Variants in CXCL10 observed in about 807,000 individuals in gnomAD.
CXCL10 encodes the protein C-X-C motif chemokine ligand 10.
Under a neutral mutation model 10.8 loss-of-function variants are expected in CXCL10, and 6 were observed. The observed-to-expected ratio is 0.55, with a 90% CI of 0.30 to 1.09. The LOEUF (loss-of-function observed/expected upper bound fraction) is 1.09, where lower values mean the gene tolerates loss of function less well. Among genes scored for constraint, CXCL10 ranks in the 50% least tolerant of loss-of-function variants. CXCL10 has a pLI of 0.06. For synonymous variants in CXCL10, 35 were observed against 35.8 expected (o/e 0.98, Z 0.08); for missense variants, 114 against 114.3 (o/e 1.00, Z 0.01).
Position 76,022,458 on chromosome 4 carries a change from G to A in CXCL10, c.189-3C>T, listed in dbSNP as rs1010023789. 8 of 1,611,000 alleles carry A rather than the reference G, an allele frequency of 5.0e-6. No homozygotes were observed. The highest frequency in any genetic ancestry group is 2.2e-5 in the East Asian group (1 of 44,884). On this transcript the variant is annotated splice_region_variant and splice_polypyrimidine_tract_variant and intron_variant, in intron 2 of 3. Transcript: ENST00000306602. The stretch of plus-strand genomic sequence containing the variant: ...CACCCTTCTTTTTCATTGTAGCACT[G>A]TAGAAATAAATAGGGATGAAAATAT...
chr4:76,022,447 A>G lies in CXCL10; in HGVS notation c.197T>C (p.Met66Thr), dbSNP rs1340181005. ...FCPRVEIIAT[M>T]KKKGEKRCLN... ...ACATCTCTTCTCACCCTTCTTTTTC[A>G]TTGTAGCACTGTAGAAATAAATAGG... The change falls in exon 3 of 4, where the codon ATG becomes ACG. Residue 66 changes from methionine to threonine, a missense_variant. By Grantham distance (81) the Met-to-Thr change is moderately conservative (BLOSUM62 -1). Coordinates refer to ENST00000306602, the MANE Select transcript of CXCL10 (RefSeq NM_001565.4). 1 of 1,612,654 alleles carries G rather than the reference A, an allele frequency of 6.2e-7. No individual in the cohort carries two copies. The highest frequency in any genetic ancestry group is 8.5e-7 in the Non-Finnish European group (1 of 1,179,682).
chr4:76,022,330 A>G, intron 3 of CXCL10, 36 bp downstream of exon 3: 2 of 1,547,224 alleles, frequency 1.3e-6, no homozygotes, highest in African/African-American at 1.4e-5. Flanking sequence ...GCCGTTTCCT[A>G]AAGAGCAATT....
At chr4:76,022,019 A>T in intron 3 of CXCL10, 71 bp from the exon 4 acceptor site, 1 of 1,353,404 alleles carries the variant, frequency 7.4e-7, no homozygotes, top group Admixed American at 1.7e-5. Context: ...TGTGTTTGGA[A>T]AGTACCGAGT....
In CXCL10 at chr4:76,022,834, A is replaced by T; in HGVS notation, c.62-17T>A. ...GAGGTACTCCTGTAGGAAAAGAGGA[A>T]CAGCAGAGAAGGTTAGCACAGTGTT... is the stretch of plus-strand genomic sequence containing the variant. On this transcript the variant is annotated splice_polypyrimidine_tract_variant and intron_variant, in intron 1 of 3. Coordinates refer to ENST00000306602, the MANE Select transcript of CXCL10 (RefSeq NM_001565.4). 6.2e-7 allele frequency: 1 copy of T among 1,603,686 alleles called. No homozygotes were observed. The highest frequency in any genetic ancestry group is 8.5e-7 in the Non-Finnish European group (1 of 1,178,796).
chr4:76,021,124 A>G lies in CXCL10; in HGVS notation c.*806T>C, dbSNP rs1210163965. 6.6e-6 allele frequency: 1 copy of G among 152,292 alleles called. No individual in the cohort carries two copies. The highest frequency in any genetic ancestry group is 1.5e-5 in the Non-Finnish European group (1 of 68,046). The allele number at this position is 152,292 out of a possible 1,614,324, so 9.4% of individuals were successfully genotyped here. On this transcript the variant is annotated 3_prime_UTR_variant, in exon 4 of 4. Transcript: ENST00000306602. ...ACACACAAGGCACTTCATCTTAGTTATAATTACTTTATTAACCTTTTGATC... is the reference window on the plus strand; with the variant it reads ...ACACACAAGGCACTTCATCTTAGTTGTAATTACTTTATTAACCTTTTGATC...
In CXCL10 at chr4:76,022,700, A is replaced by G. The variant is rs1405906680; in HGVS notation, c.179T>C (p.Val60Ala). Reference protein sequence around the residue: ...IIPASQFCPRVEIIATMKKKG... With the variant: ...IIPASQFCPRAEIIATMKKKG... The stretch of plus-strand genomic sequence containing the variant: ...ATGGGATTTCACTCACATGATCTCA[A>G]CACGTGGACAAAATTGGCTTGCAGG... The change falls in exon 2 of 4, where the codon GTT becomes GCT. Residue 60 changes from valine (V) to alanine (A), a missense_variant. Physicochemically the swap from Val to Ala is moderately conservative, Grantham distance 64. Coordinates refer to ENST00000306602, the MANE Select transcript of CXCL10 (RefSeq NM_001565.4). The G allele has an allele frequency of 6.2e-7, 1 of 1,613,664 alleles. No individual in the cohort carries two copies. Among genetic ancestry groups the G allele is most frequent in the East Asian group, 2.2e-5 (1 of 44,878 alleles).
intron 1 of CXCL10, 60 bp downstream of exon 1, chr4:76,023,311 G>A: frequency 1.5e-6 from 2 of 1,306,868 alleles, no homozygotes; most frequent in Non-Finnish European, 1.1e-6. Context: ...TGTATTTTTA[G>A]AATTTATACC....
At chr4:76,022,910 C>T (rs1221442036) in intron 1 of CXCL10, 93 bp from the exon 2 acceptor site, 1 of 1,295,508 alleles carries the variant, frequency 7.7e-7, no homozygotes, top group African/African-American at 1.5e-5. Context: ...ACCTATATCC[C>T]CATATCAGCA....
In CXCL10 at chr4:76,021,796, T is replaced by C. The variant is rs1412043305; in HGVS notation, c.*134A>G. 2 of 854,082 alleles carry C rather than the reference T, an allele frequency of 2.3e-6. No individual in the cohort carries two copies. The highest frequency in any genetic ancestry group is 2.4e-5 in the East Asian group (1 of 41,136). The allele number at this position is 854,082 out of a possible 1,614,324, so 52.9% of individuals were successfully genotyped here. On this transcript the variant is annotated 3_prime_UTR_variant, in exon 4 of 4. Coordinates refer to ENST00000306602, the MANE Select transcript of CXCL10 (RefSeq NM_001565.4). ...CAGCTGATTTGGTGACCATCATTGG[T>C]CACCTTTTAGTGTAACTGCAAACTA...
chr4:76,021,922 C>T lies in CXCL10; in HGVS notation c.*8G>A, dbSNP rs773048144. The stretch of plus-strand genomic sequence containing the variant: ...GAAGCACTGCATCGATTTTGCTCCC[C>T]TCTGGTTTTAAGGAGATCTTTTAGA... On this transcript the variant is annotated 3_prime_UTR_variant, in exon 4 of 4. Coordinates refer to ENST00000306602, the MANE Select transcript of CXCL10 (RefSeq NM_001565.4). 1.5e-4 allele frequency: 238 copies of T among 1,611,426 alleles called. No individual in the cohort carries two copies. Among genetic ancestry groups the T allele is most frequent in the Non-Finnish European group, 1.9e-4 (229 of 1,177,692 alleles).
At position 76,021,905 on chromosome 4, in the gene CXCL10, G is replaced by C. The variant is rs377425371; in HGVS notation, c.*25C>G. 1 of 1,606,324 alleles carries C rather than the reference G, an allele frequency of 6.2e-7. No homozygotes were observed. The highest frequency in any genetic ancestry group is 8.5e-7 in the Non-Finnish European group (1 of 1,173,054). On this transcript the variant is annotated 3_prime_UTR_variant, in exon 4 of 4. Transcript: ENST00000306602. ...TGTGTGGTCCATCCTTGGAAGCACTGCATCGATTTTGCTCCCCTCTGGTTT... is the reference window on the plus strand; with the variant it reads ...TGTGTGGTCCATCCTTGGAAGCACTCCATCGATTTTGCTCCCCTCTGGTTT...
At position 76,022,405 on chromosome 4, in the gene CXCL10, T is replaced by G; in HGVS notation, c.239A>C (p.Lys80Thr). Residue 80 changes from lysine to threonine, a missense_variant, in exon 3 of 4, where the codon AAG becomes ACG. Transcript: ENST00000306602. The part of the protein sequence containing the change: ...GEKRCLNPES[K>T]AIKNLLKAVS... ...TGCTTTCAGTAAATTCTTGATGGCC[T>G]TCGATTCTGGATTCAGACATCTCTT... 2 of 1,613,618 alleles carry G rather than the reference T, an allele frequency of 1.2e-6. No homozygotes were observed. Among genetic ancestry groups the G allele is most frequent in the Non-Finnish European group, 1.7e-6 (2 of 1,179,920 alleles).
At position 76,021,851 on chromosome 4, in the gene CXCL10, T is replaced by G; in HGVS notation, c.*79A>C. ...CAATTATGGCTTGACATATACTCCATGTAGGGAAGTGATGGGAGAGGCAGC... is the reference window on the plus strand; with the variant it reads ...CAATTATGGCTTGACATATACTCCAGGTAGGGAAGTGATGGGAGAGGCAGC... On this transcript the variant is annotated 3_prime_UTR_variant, in exon 4 of 4. Transcript: ENST00000306602. 2 of 1,297,252 alleles carry G rather than the reference T, an allele frequency of 1.5e-6. No individual in the cohort carries two copies. Among genetic ancestry groups the G allele is most frequent in the Non-Finnish European group, 2.2e-6 (2 of 892,372 alleles). The allele number at this position is 1,297,252 out of a possible 1,614,324, so 80.4% of individuals were successfully genotyped here. A position where few individuals can be genotyped will look rare whatever the true frequency, so the allele number is the denominator to read the frequency against.
At chr4:76,023,269 A>T in intron 1 of CXCL10, 102 bp downstream of exon 1, 2 of 860,702 alleles carry the variant, frequency 2.3e-6, no homozygotes, top group Non-Finnish European at 3.8e-6. Context: ...ATTTATAAGC[A>T]TGCAGTGAAA....
Position 76,021,701 on chromosome 4 carries a change from T to C in CXCL10, c.*229A>G. On this transcript the variant is annotated 3_prime_UTR_variant, in exon 4 of 4. Coordinates refer to ENST00000306602, the MANE Select transcript of CXCL10 (RefSeq NM_001565.4). Reference sequence around the variant, plus strand: ...TAGCACCTCAGTAGAGCTTACATTATAGTGCCAGGGTAGAGTTATTACTGA... The same window carrying C: ...TAGCACCTCAGTAGAGCTTACATTACAGTGCCAGGGTAGAGTTATTACTGA... 1.8e-6 allele frequency: 1 copy of C among 550,494 alleles called. No individual in the cohort carries two copies. The highest frequency in any genetic ancestry group is 2.9e-5 in the East Asian group (1 of 34,234). 34.1% of individuals were successfully genotyped at this position (550,494 alleles called of 1,614,324 possible). A position where few individuals can be genotyped will look rare whatever the true frequency, so the allele number is the denominator to read the frequency against.
rs906963139 is a variant in CXCL10, at chr4:76,022,886, T to C, written c.62-69A>G. The C allele has an allele frequency of 2.6e-6, 4 of 1,528,082 alleles. No homozygotes were observed. The Admixed American group carries it at 7.5e-5, about 28-fold the overall frequency. 94.7% of individuals were successfully genotyped at this position (1,528,082 alleles called of 1,614,324 possible). ...ATTTTAGGCATTTAATGTAGACTGGTGGTATTTAGCAGAACCTATATCCCC... is the reference window on the plus strand; with the variant it reads ...ATTTTAGGCATTTAATGTAGACTGGCGGTATTTAGCAGAACCTATATCCCC... On this transcript the variant is annotated intron_variant, in intron 1 of 3. Transcript: ENST00000306602.
intron 1 of CXCL10, 144 bp downstream of exon 1, chr4:76,023,227 G>T: frequency 4.6e-6 from 3 of 654,936 alleles, no homozygotes; most frequent in South Asian, 2.0e-5. Flanking sequence ...TAAGTTTTAT[G>T]ATCTGAGGGA....
chr4:76,022,328 C>T, intron 3 of CXCL10, 38 bp downstream of exon 3: 1 of 1,550,938 alleles, frequency 6.4e-7, no homozygotes, highest in Middle Eastern at 1.7e-4. Context: ...TTGCCGTTTC[C>T]TAAAGAGCAA....
chr4:76,022,263 T>G, intron 3 of CXCL10, 103 bp downstream of exon 3: 1 of 961,760 alleles, frequency 1.0e-6, no homozygotes. Context: ...GTAACATACT[T>G]TTAAACCAGC....
Sources: gnomAD v4.1 joint callset for allele counts on GRCh38, gnomAD v4.1.1 for gene constraint, MANE v1.5 for transcripts, NCBI Gene and HGNC (gene_info 2026-07-23, HGNC 2026-07-21) for gene names.